The following RARB variants were observed in gnomAD, a reference collection of about 807,000 sequenced individuals.
The protein encoded by RARB is HBV-activated protein.
Under a neutral mutation model 51.9 loss-of-function variants are expected in RARB, and 17 were observed. The ratio of observed to expected loss-of-function variants is 0.33; its 90% CI spans 0.22 to 0.49. The LOEUF is 0.49. RARB is among the 20% of genes least tolerant of loss of function. The pLI is 0.99. For synonymous variants in RARB, 215 were observed against 195.4 expected, an observed-to-expected ratio of 1.10 and a Z score of -0.84; for missense variants, 369 against 550.8, an observed-to-expected ratio of 0.67 and a Z score of 3.30.
chr3:25,301,411 G>A (rs1704034272), intron 5 of RARB, among the ~76,000 whole-genome samples: 1 of 152,102 alleles, frequency 6.6e-6, no homozygotes, highest in South Asian at 2.1e-4. Flanking sequence ...TTTTACAGGA[G>A]GTATGGAGTT....
intron 2 of RARB, among the ~76,000 whole-genome samples, chr3:24,931,040 A>G (rs750761198): frequency 3.2e-4 from 48 of 151,980 alleles, no homozygotes; most frequent in Admixed American, 1.1e-3. Flanking sequence ...AAACTTAAAC[A>G]CTAAGAAGTT....
chr3:24,861,154 T>C (rs547005337), intron 2 of RARB, among the ~76,000 whole-genome samples: 1 of 152,222 alleles, frequency 6.6e-6, no homozygotes, highest in Non-Finnish European at 1.5e-5. Flanking sequence ...TGAATGTATA[T>C]AGGCTTTTCC....
intron 5 of RARB, chr3:25,259,805 C>T (rs563538251): frequency 4.4e-4 from 271 of 620,760 alleles, no homozygotes; most frequent in Non-Finnish European, 5.1e-4. Context: ...GACCCAAAGT[C>T]ATCTTCTTCC....
At position 25,066,355 on chromosome 3, in the gene RARB, T is replaced by C. The variant is rs531225230; in HGVS notation, c.-328+6179T>C. On this transcript the variant is annotated intron_variant, in intron 3 of 11. Coordinates refer to the RARB transcript ENST00000383772. ...AGTTAAAATTCAGGAGAGCATGTGT[T>C]ACTATCAAATTTATTATCCATAAAT... Among the ~76,000 whole-genome samples, 6 of 152,350 alleles carry C rather than the reference T, an allele frequency of 3.9e-5. No individual in the cohort carries two copies. The South Asian group carries it at 1.2e-3, about 32-fold the overall frequency.
intron 5 of RARB, among the ~76,000 whole-genome samples, chr3:25,203,386 A>G (rs1002284193): frequency 5.9e-5 from 9 of 152,080 alleles, no homozygotes; most frequent in African/African-American, 1.9e-4. Flanking sequence ...TCTTTATCCA[A>G]TTTGCCAGTC....
At chr3:25,005,087 G>C (rs769408118) in intron 2 of RARB, among the ~76,000 whole-genome samples, 4 of 152,100 alleles carry the variant, frequency 2.6e-5, no homozygotes, top group South Asian at 2.1e-4. Context: ...TGAGTGGTTA[G>C]ATACCATACA....
At chr3:25,154,866 C>A (rs1700349201) in intron 4 of RARB, among the ~76,000 whole-genome samples, 1 of 152,188 alleles carries the variant, frequency 6.6e-6, no homozygotes, top group Non-Finnish European at 1.5e-5. Context: ...ATGGCGCCAA[C>A]CCTAAAGGCT....
chr3:25,126,561 T>C (rs1009426778), intron 3 of RARB, among the ~76,000 whole-genome samples: 1 of 152,150 alleles, frequency 6.6e-6, no homozygotes, highest in South Asian at 2.1e-4. Context: ...TTTCAAACTT[T>C]CATGTGCACA....
intron 5 of RARB, among the ~76,000 whole-genome samples, chr3:25,327,491 G>C (rs1704760412): frequency 6.6e-6 from 1 of 152,168 alleles, no homozygotes; most frequent in Non-Finnish European, 1.5e-5. Flanking sequence ...AATTCTGAGA[G>C]AAAATGACTA....
At chr3:25,256,285 G>A (rs1702863243) in intron 5 of RARB, among the ~76,000 whole-genome samples, 1 of 152,080 alleles carries the variant, frequency 6.6e-6, no homozygotes, top group Admixed American at 6.6e-5. Context: ...TCAGAGAAAG[G>A]AATTAAACAT....
chr3:24,972,822 T>G (rs1430461720), intron 2 of RARB, among the ~76,000 whole-genome samples: 1 of 152,010 alleles, frequency 6.6e-6, no homozygotes, highest in Non-Finnish European at 1.5e-5. Flanking sequence ...ATCTTTTGTC[T>G]ATTTTTAAAT....
intron 5 of RARB, among the ~76,000 whole-genome samples, chr3:25,269,624 A>G (rs1204908204): frequency 2.6e-5 from 4 of 152,226 alleles, no homozygotes; most frequent in African/African-American, 7.2e-5. Flanking sequence ...CTAGTCTTCA[A>G]TCATGTTAGA....
intron 3 of RARB, among the ~76,000 whole-genome samples, chr3:25,555,117 G>T (rs1208810009): frequency 6.6e-6 from 1 of 151,960 alleles, no homozygotes; most frequent in Non-Finnish European, 1.5e-5. Flanking sequence ...GTAAATATTT[G>T]AATAAAATTA....
At chr3:25,159,469 G>A (rs986425188) in intron 4 of RARB, among the ~76,000 whole-genome samples, 3 of 148,502 alleles carry the variant, frequency 2.0e-5, no homozygotes, top group East Asian at 2.0e-4. Context: ...GTGAGCCACC[G>A]TGCCCAACCC....
At chr3:25,498,680 A>T (rs958836344) in intron 2 of RARB, among the ~76,000 whole-genome samples, 9 of 152,034 alleles carry the variant, frequency 5.9e-5, no homozygotes, top group Admixed American at 6.5e-5. Flanking sequence ...TCACTGACTA[A>T]GTGTTTGCTG....
At chr3:25,218,531 A>G (rs1701882018) in intron 5 of RARB, among the ~76,000 whole-genome samples, 1 of 152,208 alleles carries the variant, frequency 6.6e-6, no homozygotes, top group South Asian at 2.1e-4. Context: ...TGAAACCAGA[A>G]GAAGTGAGGC....
intron 3 of RARB, among the ~76,000 whole-genome samples, chr3:25,076,146 ATT>A (rs34420684): frequency 2.0e-3 from 297 of 146,028 alleles, no homozygotes; most frequent in Admixed American, 2.4e-3. Flanking sequence ...GCAGTTATTT[ATT>A]TTTTTTTTTT....
At chr3:25,180,437 T>C (rs1302725056) in intron 5 of RARB, among the ~76,000 whole-genome samples, 1 of 152,188 alleles carries the variant, frequency 6.6e-6, no homozygotes, top group Non-Finnish European at 1.5e-5. Context: ...AATGAGACTT[T>C]CCATATCTCA....
chr3:24,849,045 G>C (rs573698299), intron 1 of RARB, among the ~76,000 whole-genome samples: 1 of 152,140 alleles, frequency 6.6e-6, no homozygotes, highest in Non-Finnish European at 1.5e-5. Flanking sequence ...ATCTGCAGGG[G>C]ATACTTTCCA....
Sources: gnomAD v4.1 joint callset for allele counts (sites outside exome capture counted in the v4.1 genomes callset) on GRCh38, gnomAD v4.1.1 for gene constraint, MANE v1.5 for transcripts, NCBI Gene and HGNC (gene_info 2026-07-23, HGNC 2026-07-21) for gene names.